ARHGAP26: variants seen among roughly 807,000 people sequenced by gnomAD.
ARHGAP26 encodes the protein rho GTPase-activating protein 26.
ARHGAP26 carries 38 observed loss-of-function variants against 104.8 expected under a neutral mutation model. The ratio of observed to expected loss-of-function variants is 0.36; its 90% CI spans 0.28 to 0.48. ARHGAP26 has a LOEUF of 0.48. Ranked by LOEUF, ARHGAP26 falls within the 20% of genes least tolerant of loss-of-function variation. The pLI is 0.99. For missense variants in ARHGAP26, 704 were observed against 947.9 expected (o/e 0.74, Z 3.38); for synonymous variants, 341 against 340.0 (o/e 1.00, Z -0.03).
At chr5:142,827,457 A>G (rs922038415) in intron 1 of ARHGAP26, among the ~76,000 whole-genome samples, 1 of 152,150 alleles carries the variant, frequency 6.6e-6, no homozygotes, top group African/African-American at 2.4e-5. Context: ...CTTTATTATT[A>G]ATGGTTGTAG....
intron 20 of ARHGAP26, among the ~76,000 whole-genome samples, chr5:143,192,836 A>G (rs1032310608): frequency 6.6e-6 from 1 of 151,664 alleles, no homozygotes; most frequent in African/African-American, 2.4e-5. Flanking sequence ...TTTTTTTTTC[A>G]TGTTAACTTC....
rs75094417 is a variant in ARHGAP26, at chr5:142,933,525, T to C, written c.1107+1400T>C. 2.6e-3 allele frequency among the ~76,000 whole-genome samples: 396 copies of C among 152,290 alleles called. 9 individuals carry two copies. The East Asian group carries it at 0.042, about 16-fold the overall frequency. On this transcript the variant is annotated intron_variant, in intron 11 of 22. Transcript: ENST00000645722. The stretch of plus-strand genomic sequence containing the variant: ...AAGATAGATAAGTGTATTTCTCTCT[T>C]AGAGCCGAGAAGGGAGGAGTCCATG...
chr5:143,081,809 C>T lies in ARHGAP26; in HGVS notation c.1538+24062C>T, dbSNP rs796218546. On this transcript the variant is annotated intron_variant, in intron 17 of 22. Coordinates refer to ENST00000645722, the MANE Select transcript of ARHGAP26 (RefSeq NM_001135608.3). ...CCGGCGGATCACAAGGTCAGGAGTT[C>T]GAGACCATCCTGCCGAACACAGTGA... is the stretch of plus-strand genomic sequence containing the variant. Among the ~76,000 whole-genome samples, 5 of 152,148 alleles carry T rather than the reference C, an allele frequency of 3.3e-5. No individual in the cohort carries two copies. In the East Asian group the frequency reaches 7.7e-4, roughly 24 times the overall value.
At chr5:143,205,974 A>G (rs1192763210) in intron 20 of ARHGAP26, among the ~76,000 whole-genome samples, 4 of 152,224 alleles carry the variant, frequency 2.6e-5, no homozygotes, top group African/African-American at 9.7e-5. Flanking sequence ...TATCAGTCAC[A>G]TTAGTTTGAG....
chr5:142,808,258 A>G (rs2152000947), intron 1 of ARHGAP26, among the ~76,000 whole-genome samples: 1 of 142,460 alleles, frequency 7.0e-6, no homozygotes, highest in Admixed American at 6.9e-5. Flanking sequence ...AAAAAAAAAA[A>G]AAAAAAAAAA....
At chr5:142,836,408 C>G (rs1769576121) in intron 1 of ARHGAP26, among the ~76,000 whole-genome samples, 1 of 152,208 alleles carries the variant, frequency 6.6e-6, no homozygotes, top group Non-Finnish European at 1.5e-5. Flanking sequence ...TCAAGATACT[C>G]TGTAAGGCAG....
intron 1 of ARHGAP26, among the ~76,000 whole-genome samples, chr5:142,777,347 C>A (rs1488655485): frequency 6.6e-6 from 1 of 152,170 alleles, no homozygotes; most frequent in Non-Finnish European, 1.5e-5. Context: ...CTAATTCTGG[C>A]CTGCATAAGC....
intron 1 of ARHGAP26, among the ~76,000 whole-genome samples, chr5:142,866,140 C>G (rs1202369709): frequency 6.6e-6 from 1 of 151,990 alleles, no homozygotes; most frequent in Non-Finnish European, 1.5e-5. Context: ...CTAGCACAGT[C>G]TACCTTAATT....
chr5:143,104,956 G>C (rs1041775766), intron 17 of ARHGAP26, among the ~76,000 whole-genome samples: 1 of 152,122 alleles, frequency 6.6e-6, no homozygotes, highest in African/African-American at 2.4e-5. Context: ...TATTTTCTTT[G>C]TGCTTTGTAT....
rs1234378582 is a variant in ARHGAP26, at chr5:143,134,012, C to T, written c.1744C>T (p.His582Tyr). ...PDMPLTNAQL[H>Y]LSRKKSSDSK... ...TATGCCTCTCACCAATGCCCAGCTG[C>T]ACCTGTCTCGGAAGAAGAGCAGTGA... Residue 582 changes from histidine (H) to tyrosine (Y), a missense_variant, in exon 19 of 23, where the codon CAC becomes TAC. Transcript: ENST00000645722. 6.2e-7 allele frequency: 1 copy of T among 1,612,870 alleles called. No individual in the cohort carries two copies. The highest frequency in any genetic ancestry group is 8.5e-7 in the Non-Finnish European group (1 of 1,179,462).
intron 21 of ARHGAP26, among the ~76,000 whole-genome samples, chr5:143,210,605 G>A (rs1809301967): frequency 6.6e-6 from 1 of 152,150 alleles, no homozygotes; most frequent in South Asian, 2.1e-4. Flanking sequence ...CCCCAAAAAA[G>A]CCGATAGCCC....
intron 19 of ARHGAP26, among the ~76,000 whole-genome samples, chr5:143,136,084 G>A (rs1797877289): frequency 6.6e-6 from 1 of 151,636 alleles, no homozygotes; most frequent in African/African-American, 2.4e-5. Flanking sequence ...AGGCTAGACA[G>A]TATTGGTAAA....
At chr5:143,104,528 CA>C (rs1793723627) in intron 17 of ARHGAP26, among the ~76,000 whole-genome samples, 1 of 151,780 alleles carries the variant, frequency 6.6e-6, no homozygotes, top group African/African-American at 2.4e-5. Context: ...CAAAACAAAA[CA>C]AAAAAAGTAT....
At chr5:142,959,838 G>T (rs138165221) in intron 11 of ARHGAP26, among the ~76,000 whole-genome samples, 17 of 152,346 alleles carry the variant, frequency 1.1e-4, no homozygotes, top group African/African-American at 4.1e-4. Flanking sequence ...AACCTCAGGG[G>T]AGCTATTTTT....
chr5:143,135,511 A>C (rs1332980908), intron 19 of ARHGAP26, among the ~76,000 whole-genome samples: 1 of 152,134 alleles, frequency 6.6e-6, no homozygotes. Context: ...TGTCACCAAA[A>C]AGGTGCTTAT....
At chr5:142,781,780 T>C (rs1284152611) in intron 1 of ARHGAP26, among the ~76,000 whole-genome samples, 1 of 152,190 alleles carries the variant, frequency 6.6e-6, no homozygotes, top group Non-Finnish European at 1.5e-5. Context: ...GGTATTATCT[T>C]GGCTCACTGC....
At chr5:142,982,841 C>T (rs1483941516) in intron 11 of ARHGAP26, among the ~76,000 whole-genome samples, 1 of 152,260 alleles carries the variant, frequency 6.6e-6, no homozygotes, top group East Asian at 1.9e-4. Flanking sequence ...GATCTTCAGT[C>T]CAGGTGGCCA....
intron 17 of ARHGAP26, among the ~76,000 whole-genome samples, chr5:143,092,761 A>T (rs1598975539): frequency 3.3e-5 from 5 of 152,374 alleles, no homozygotes; most frequent in Admixed American, 3.3e-4. Flanking sequence ...CGTTCAGTCC[A>T]TATTAACTTA....
Position 143,212,295 on chromosome 5 carries a change from T to C in ARHGAP26, c.2100-1702T>C, listed in dbSNP as rs1405697290. ...ATTTGCCTGTCAGTATAGTCTTTTA[T>C]CTGTTTTAGCACTTTTCACAGCCAA... On this transcript the variant is annotated intron_variant, in intron 21 of 22. Coordinates refer to ENST00000645722, the MANE Select transcript of ARHGAP26 (RefSeq NM_001135608.3). 2.6e-5 allele frequency among the ~76,000 whole-genome samples: 4 copies of C among 151,726 alleles called. No individual in the cohort carries two copies. The South Asian group carries it at 8.3e-4, about 32-fold the overall frequency.
Sources: gnomAD v4.1 joint callset for allele counts (sites outside exome capture counted in the v4.1 genomes callset) on GRCh38, gnomAD v4.1.1 for gene constraint, MANE v1.5 for transcripts, NCBI Gene and HGNC (gene_info 2026-07-23, HGNC 2026-07-21) for gene names.